Variants in KALRN observed in about 807,000 individuals in gnomAD.
KALRN encodes the protein kalirin.
A neutral mutation model predicts 353.7 loss-of-function variants in KALRN; 70 were observed. The ratio of observed to expected loss-of-function variants is 0.20; its 90% CI spans 0.16 to 0.24. The LOEUF (loss-of-function observed/expected upper bound fraction) is 0.24, where lower values mean the gene tolerates loss of function less well. Among genes scored for constraint, KALRN ranks in the 10% least tolerant of loss-of-function variants. The pLI, the probability that KALRN is intolerant of heterozygous loss-of-function variation, is 1.00. For synonymous variants in KALRN, 1,391 were observed against 1,434.8 expected, an observed-to-expected ratio of 0.97 and a Z score of 0.69; for missense variants, 2,791 against 3,756.7, an observed-to-expected ratio of 0.74 and a Z score of 6.72.
At chr3:124,653,684 G>C (rs2083664879) in intron 38 of KALRN, among the ~76,000 whole-genome samples, 1 of 152,196 alleles carries the variant, frequency 6.6e-6, no homozygotes, top group African/African-American at 2.4e-5. Flanking sequence ...ATTTTCTGTG[G>C]AAGACCAGCC....
intron 37 of KALRN, among the ~76,000 whole-genome samples, chr3:124,647,945 G>T (rs1043211768): frequency 6.6e-6 from 1 of 152,136 alleles, no homozygotes; most frequent in African/African-American, 2.4e-5. Flanking sequence ...CCCCATCCTT[G>T]GATTGACTAT....
At chr3:124,170,832 T>TC (rs2071681949) in intron 1 of KALRN, among the ~76,000 whole-genome samples, 1 of 22,930 alleles carries the variant, frequency 4.4e-5, no homozygotes, top group African/African-American at 1.6e-4. Flanking sequence ...TTCCACATTC[T>TC]TTTTTTTTTT....
At chr3:124,640,443 C>T (rs1394510597) in intron 37 of KALRN, among the ~76,000 whole-genome samples, 1 of 151,852 alleles carries the variant, frequency 6.6e-6, no homozygotes, top group Non-Finnish European at 1.5e-5. Flanking sequence ...CACCACCATG[C>T]CTGGCTAATT....
chr3:124,289,796 TC>T (rs2076270627), intron 5 of KALRN, among the ~76,000 whole-genome samples: 1 of 152,244 alleles, frequency 6.6e-6, no homozygotes, highest in South Asian at 2.1e-4. Flanking sequence ...AACAATATCT[TC>T]TTTGTAGCAT....
chr3:124,156,111 C>T (rs1362251884), intron 1 of KALRN, among the ~76,000 whole-genome samples: 2 of 152,178 alleles, frequency 1.3e-5, no homozygotes, highest in Admixed American at 1.3e-4. Flanking sequence ...TTCCATCAGC[C>T]AGATTCAGGG....
chr3:124,636,091 T>C (rs555853345), intron 36 of KALRN, among the ~76,000 whole-genome samples: 24 of 152,292 alleles, frequency 1.6e-4, no homozygotes, highest in Non-Finnish European at 3.5e-4. Context: ...AAAAAGAATA[T>C]TGTTATATCT....
intron 10 of KALRN, among the ~76,000 whole-genome samples, chr3:124,377,513 T>C (rs1462093429): frequency 6.6e-6 from 1 of 151,832 alleles, no homozygotes; most frequent in African/African-American, 2.4e-5. Context: ...GAAAAGAATA[T>C]GCGTTCAGCT....
intron 1 of KALRN, among the ~76,000 whole-genome samples, chr3:124,186,687 C>T (rs1408803831): frequency 6.6e-6 from 1 of 152,178 alleles, no homozygotes; most frequent in African/African-American, 2.4e-5. Context: ...GGCCAATAAA[C>T]ATGTTCCTCT....
chr3:124,566,363 T>C (rs1162340328), intron 34 of KALRN, among the ~76,000 whole-genome samples: 2 of 151,940 alleles, frequency 1.3e-5, no homozygotes, highest in Admixed American at 1.3e-4. Context: ...ATTAGCCAGG[T>C]GGGGTGGTGT....
chr3:124,439,190 T>TCACA (rs1173931984), intron 18 of KALRN, among the ~76,000 whole-genome samples, 153 bp downstream of exon 18: 29 of 58,134 alleles, frequency 5.0e-4, no homozygotes, highest in South Asian at 4.6e-3. Flanking sequence ...CTTCTCCTTC[T>TCACA]CTCTCTCTCT....
intron 3 of KALRN, among the ~76,000 whole-genome samples, chr3:124,252,489 A>T (rs2071312663): frequency 1.3e-5 from 2 of 152,186 alleles, no homozygotes; most frequent in African/African-American, 4.8e-5. Context: ...GAGTCAAACC[A>T]CTTTATAGAG....
chr3:124,046,359 T>C (rs1043326026), intron 1 of KALRN, among the ~76,000 whole-genome samples: 1 of 152,198 alleles, frequency 6.6e-6, no homozygotes, highest in African/African-American at 2.4e-5. Flanking sequence ...TTTTCTTCTA[T>C]GGCTATGAGG....
intron 56 of KALRN, among the ~76,000 whole-genome samples, chr3:124,700,765 A>G (rs1226917832): frequency 6.6e-6 from 1 of 152,058 alleles, no homozygotes; most frequent in Admixed American, 6.5e-5. Flanking sequence ...TCGAAAGACC[A>G]TGGACCTGTG....
intron 1 of KALRN, among the ~76,000 whole-genome samples, chr3:124,067,327 C>A (rs2042448890): frequency 1.3e-5 from 2 of 151,126 alleles, no homozygotes; most frequent in South Asian, 4.2e-4. Context: ...ACCGCACCCA[C>A]CCCTGTTGTG....
At chr3:124,480,657 A>G (rs2061892258) in intron 27 of KALRN, among the ~76,000 whole-genome samples, 1 of 152,114 alleles carries the variant, frequency 6.6e-6, no homozygotes, top group Non-Finnish European at 1.5e-5. Flanking sequence ...GGGCACTTTT[A>G]TCACCTCACA....
chr3:124,617,739 A>T (rs2078779897), intron 34 of KALRN, among the ~76,000 whole-genome samples: 1 of 152,128 alleles, frequency 6.6e-6, no homozygotes, highest in Admixed American at 6.6e-5. Flanking sequence ...AAGAATTTTT[A>T]TTTCCCACAA....
At chr3:124,498,246 T>C (rs535973463) in intron 33 of KALRN, among the ~76,000 whole-genome samples, 21 of 152,328 alleles carry the variant, frequency 1.4e-4, no homozygotes, top group Admixed American at 4.6e-4. Context: ...GCTCACATAT[T>C]CATGTAGAAG....
intron 25 of KALRN, among the ~76,000 whole-genome samples, chr3:124,464,606 T>G (rs980032785): frequency 6.6e-6 from 1 of 152,080 alleles, no homozygotes; most frequent in Non-Finnish European, 1.5e-5. Context: ...GTTAGAATAT[T>G]ATGAAGAAAG....
intron 11 of KALRN, among the ~76,000 whole-genome samples, chr3:124,394,801 C>T (rs1392464500): frequency 6.6e-6 from 1 of 152,124 alleles, no homozygotes; most frequent in Non-Finnish European, 1.5e-5. Flanking sequence ...AAATAATATT[C>T]GTTCATTCTA....
Sources: gnomAD v4.1 joint callset for allele counts (sites outside exome capture counted in the v4.1 genomes callset) on GRCh38, gnomAD v4.1.1 for gene constraint, MANE v1.5 for transcripts, NCBI Gene and HGNC (gene_info 2026-07-23, HGNC 2026-07-21) for gene names.